Variants in GRM5 observed in about 807,000 individuals in gnomAD.
The protein encoded by GRM5 is glutamate metabotropic receptor 5, also known as metabotropic glutamate receptor 5.
GRM5 carries 19 observed loss-of-function variants against 83.1 expected under a neutral mutation model. The observed-to-expected ratio is 0.23, with a 90% CI of 0.16 to 0.34. The LOEUF (loss-of-function observed/expected upper bound fraction) is 0.34. GRM5 is among the 10% of genes least tolerant of loss of function. The pLI is 1.00. For synonymous variants in GRM5, 675 were observed against 633.6 expected, an observed-to-expected ratio of 1.07 and a Z score of -0.98; for missense variants, 1,160 against 1,588.3, an observed-to-expected ratio of 0.73 and a Z score of 4.58.
chr11:89,009,713 G>A (rs1362886444), intron 2 of GRM5, among the ~76,000 whole-genome samples: 6 of 151,178 alleles, frequency 4.0e-5, no homozygotes, highest in Admixed American at 2.0e-4. Context: ...TGGCTAACAC[G>A]GTGAAACCCC....
chr11:88,824,960 T>C lies in GRM5; in HGVS notation c.911+24946A>G, dbSNP rs114879848. ...ACATATACTACATGCATAGTCATAT[T>C]TATAAATCTAAACATGTTTTAATTT... On this transcript the variant is annotated intron_variant, in intron 3 of 9. Transcript: ENST00000305447. Among the ~76,000 whole-genome samples, 620 of 152,364 alleles carry C rather than the reference T, an allele frequency of 4.1e-3. 2 individuals carry two copies. Among genetic ancestry groups the C allele is most frequent in the African/African-American group, 0.014 (581 of 41,586 alleles).
intron 9 of GRM5, among the ~76,000 whole-genome samples, chr11:88,519,076 G>A (rs571267371): frequency 3.3e-4 from 49 of 150,076 alleles, no homozygotes; most frequent in African/African-American, 1.2e-3. Context: ...TATGAAGTTG[G>A]GCAGAGTTTA....
chr11:88,732,418 A>T (rs1362559431), intron 3 of GRM5, among the ~76,000 whole-genome samples: 1 of 151,998 alleles, frequency 6.6e-6, no homozygotes, highest in Admixed American at 6.6e-5. Flanking sequence ...ATTAACCTTG[A>T]CTCTGGGGAA....
At chr11:88,995,630 A>G (rs1940162807) in intron 2 of GRM5, among the ~76,000 whole-genome samples, 1 of 151,658 alleles carries the variant, frequency 6.6e-6, no homozygotes, top group Non-Finnish European at 1.5e-5. Context: ...TGTAGAATAT[A>G]TTCTTGGGCA....
chr11:89,014,014 G>C (rs12276580), intron 2 of GRM5, among the ~76,000 whole-genome samples: 1 of 152,198 alleles, frequency 6.6e-6, no homozygotes, highest in African/African-American at 2.4e-5. Context: ...TAGTTCAGAA[G>C]AGACAGTGTG....
At chr11:88,769,429 A>G (rs1283665571) in intron 3 of GRM5, among the ~76,000 whole-genome samples, 1 of 152,042 alleles carries the variant, frequency 6.6e-6, no homozygotes, top group East Asian at 1.9e-4. Flanking sequence ...TAATGAGTAT[A>G]TGCAACACCC....
At chr11:89,010,012 A>G (rs2135087878) in intron 2 of GRM5, among the ~76,000 whole-genome samples, 1 of 148,076 alleles carries the variant, frequency 6.8e-6, no homozygotes, top group Admixed American at 6.8e-5. Flanking sequence ...CCACATATGT[A>G]TATACACACA....
chr11:89,058,816 G>A (rs1042304292), intron 1 of GRM5, among the ~76,000 whole-genome samples: 3 of 152,060 alleles, frequency 2.0e-5, no homozygotes, highest in Non-Finnish European at 2.9e-5. Context: ...GAATTCAAAG[G>A]CTGTTCTTGA....
chr11:88,928,902 G>GTATATATATATATATA (rs149267365), intron 2 of GRM5, among the ~76,000 whole-genome samples: 1 of 60,258 alleles, frequency 1.7e-5, no homozygotes, highest in African/African-American at 3.7e-5. Context: ...ATGTGTATGT[G>GTATATATATATATATA]TATATACACA....
chr11:89,004,509 G>A (rs1940472173), intron 2 of GRM5, among the ~76,000 whole-genome samples: 2 of 152,150 alleles, frequency 1.3e-5, no homozygotes, highest in African/African-American at 4.8e-5. Flanking sequence ...GACCACTGGT[G>A]AGTACAAAGT....
chr11:89,061,420 G>A (rs1429138016), intron 1 of GRM5, among the ~76,000 whole-genome samples: 1 of 152,028 alleles, frequency 6.6e-6, no homozygotes, highest in Non-Finnish European at 1.5e-5. Flanking sequence ...AATATAGTAA[G>A]ACTCCTATAA....
intron 8 of GRM5, among the ~76,000 whole-genome samples, chr11:88,550,582 G>A (rs537150897): frequency 5.3e-5 from 8 of 152,186 alleles, no homozygotes; most frequent in South Asian, 4.2e-4. Flanking sequence ...GTCTTCAGAC[G>A]TTGACTGGAT....
intron 2 of GRM5, among the ~76,000 whole-genome samples, chr11:88,938,829 C>T (rs1937988761): frequency 6.6e-6 from 1 of 151,636 alleles, no homozygotes; most frequent in South Asian, 2.1e-4. Flanking sequence ...GAAAAGCTTA[C>T]ATATATTTTT....
At position 88,528,808 on chromosome 11, in the gene GRM5, A is replaced by G. The variant is rs1591325807; in HGVS notation, c.2631-3404T>C. On this transcript the variant is annotated intron_variant, in intron 8 of 9. Transcript: ENST00000305447. The stretch of plus-strand genomic sequence containing the variant: ...CTGTACACTATTGTAAATTATTAAA[A>G]CAGCCATACAAAGCAGCTGCTATTA... 2.0e-5 allele frequency among the ~76,000 whole-genome samples: 3 copies of G among 152,142 alleles called. No individual in the cohort carries two copies. The East Asian group carries it at 5.8e-4, about 29-fold the overall frequency.
intron 7 of GRM5, among the ~76,000 whole-genome samples, chr11:88,569,735 C>A (rs1287416741): frequency 1.3e-5 from 2 of 152,180 alleles, no homozygotes; most frequent in Non-Finnish European, 2.9e-5. Flanking sequence ...CCATGGACCC[C>A]CCACTACCTG....
intron 7 of GRM5, among the ~76,000 whole-genome samples, chr11:88,569,705 G>T (rs1942945723): frequency 6.6e-6 from 1 of 152,186 alleles, no homozygotes; most frequent in Admixed American, 6.5e-5. Flanking sequence ...AAAAATAGAG[G>T]GGGCTCCACT....
At chr11:88,603,386 G>A (rs1217905290) in intron 5 of GRM5, among the ~76,000 whole-genome samples, 1 of 152,202 alleles carries the variant, frequency 6.6e-6, no homozygotes, top group Non-Finnish European at 1.5e-5. Flanking sequence ...AGATGCACAT[G>A]GGAATAATAA....
chr11:88,762,449 A>T (rs935339135), intron 3 of GRM5, among the ~76,000 whole-genome samples: 1 of 152,088 alleles, frequency 6.6e-6, no homozygotes, highest in Non-Finnish European at 1.5e-5. Context: ...GTCACTGATC[A>T]TTAGAGAAGT....
rs566304145 is a variant in GRM5 at position 88,866,735 on chromosome 11, C to T, written c.662-16580G>A. 7.2e-5 allele frequency among the ~76,000 whole-genome samples: 11 copies of T among 152,168 alleles called. No homozygotes were observed. In the East Asian group the frequency reaches 2.1e-3, roughly 29 times the overall value. On this transcript the variant is annotated intron_variant, in intron 2 of 9. Coordinates refer to ENST00000305447, the MANE Select transcript of GRM5 (RefSeq NM_001143831.3). Reference sequence around the variant, plus strand: ...TTGGAATTATGCTATACAATCTTGGCTTTTGTTGCCTTTGCTGTTGGTGCT... The same window carrying T: ...TTGGAATTATGCTATACAATCTTGGTTTTTGTTGCCTTTGCTGTTGGTGCT...
Sources: allele counts gnomAD v4.1 joint callset (sites outside exome capture counted in the v4.1 genomes callset), GRCh38; gene constraint gnomAD v4.1.1; transcripts MANE v1.5; gene names NCBI Gene and HGNC (gene_info 2026-07-23, HGNC 2026-07-21).